Variants in NAA25 observed in about 807,000 individuals in gnomAD.
NAA25 encodes N-alpha-acetyltransferase 25, NatB auxiliary subunit, also known as N-terminal acetyltransferase B complex subunit NAA25.
In NAA25, 30 loss-of-function variants were observed where a neutral mutation model predicts 132.5. That is an observed-to-expected ratio of 0.23 (90% CI 0.17 to 0.31). The LOEUF is 0.31. NAA25 is among the 10% of genes least tolerant of loss of function. The pLI, the probability that NAA25 is intolerant of heterozygous loss-of-function variation, is 1.00. For missense variants in NAA25, 771 were observed against 1,150.4 expected (o/e 0.67, Z 4.77); for synonymous variants, 359 against 401.9 (o/e 0.89, Z 1.28).
intron 5 of NAA25, among the ~76,000 whole-genome samples, chr12:112,080,615 C>G (rs2078960698): frequency 2.0e-5 from 3 of 152,000 alleles, no homozygotes; most frequent in African/African-American, 7.2e-5. Context: ...ACCCTCCTGC[C>G]TCAGCCTCCA....
At chr12:112,075,518 A>T (rs2078883076) in intron 8 of NAA25, among the ~76,000 whole-genome samples, 160 bp downstream of exon 8, 1 of 152,160 alleles carries the variant, frequency 6.6e-6, no homozygotes, top group South Asian at 2.1e-4. Flanking sequence ...CTCTACTGAA[A>T]GATGAAGGCT....
At chr12:112,062,713 T>C (rs1176382206) in intron 11 of NAA25, among the ~76,000 whole-genome samples, 2 of 141,514 alleles carry the variant, frequency 1.4e-5, no homozygotes, top group South Asian at 4.4e-4. Flanking sequence ...GCAACAAGAG[T>C]GAAACTCCGT....
chr12:112,059,900 C>A (rs1473692926), intron 13 of NAA25, among the ~76,000 whole-genome samples: 1 of 151,958 alleles, frequency 6.6e-6, no homozygotes, highest in Non-Finnish European at 1.5e-5. Flanking sequence ...CTCCGCCTCC[C>A]AAGCTCAAGC....
chr12:112,108,004 C>T (rs913464778), intron 1 of NAA25, among the ~76,000 whole-genome samples: 4 of 152,136 alleles, frequency 2.6e-5, no homozygotes, highest in Non-Finnish European at 5.9e-5. Flanking sequence ...GAGAAAACCA[C>T]AGAGAAGCTG....
intron 1 of NAA25, among the ~76,000 whole-genome samples, chr12:112,105,018 A>T (rs193026974): frequency 6.7e-6 from 1 of 150,140 alleles, no homozygotes; most frequent in Non-Finnish European, 1.5e-5. Context: ...CTCCTTCTTA[A>T]AAAAATAATA....
At chr12:112,079,665 T>G (rs1356615137) in intron 5 of NAA25, among the ~76,000 whole-genome samples, 1 of 152,102 alleles carries the variant, frequency 6.6e-6, no homozygotes, top group Non-Finnish European at 1.5e-5. Context: ...TCTGACCCCA[T>G]AACATCTGTT....
At chr12:112,105,881 T>G (rs2079355580) in intron 1 of NAA25, among the ~76,000 whole-genome samples, 1 of 152,226 alleles carries the variant, frequency 6.6e-6, no homozygotes, top group Non-Finnish European at 1.5e-5. Flanking sequence ...AATAGGGCAG[T>G]CAGCCCACCA....
Position 112,108,769 on chromosome 12 carries a change from G to A in NAA25, c.5C>T (p.Ala2Val), listed in dbSNP as rs2079404151. ...AGGGTCCTGCACATGGCCCCGCGTC[G>A]CCATGATGACAAGCGCAGAACCACA... is the stretch of plus-strand genomic sequence containing the variant. M[A>V]TRGHVQDPND... is the part of the protein sequence containing the mutation. Residue 2 changes from alanine (A) to valine (V), a missense_variant, in exon 1 of 24, where the codon GCG (alanine) becomes GTG (valine). Coordinates refer to ENST00000261745, the MANE Select transcript of NAA25 (RefSeq NM_024953.4). The A allele has an allele frequency of 6.6e-7, 1 of 1,520,814 alleles. No individual in the cohort carries two copies. The highest frequency in any genetic ancestry group is 8.8e-7 in the Non-Finnish European group (1 of 1,130,698). 94.2% of individuals were successfully genotyped at this position (1,520,814 alleles called of 1,614,324 possible). A position where few individuals can be genotyped will look rare whatever the true frequency, so the allele number is the denominator to read the frequency against.
intron 23 of NAA25, among the ~76,000 whole-genome samples, chr12:112,030,094 T>C (rs1453554875): frequency 4.6e-5 from 7 of 150,868 alleles, no homozygotes; most frequent in African/African-American, 7.3e-5. Flanking sequence ...ACACCTGTAA[T>C]CCCAGCTACT....
rs980397911 is a variant in NAA25, at chr12:112,056,042, A to G, written c.1448-1474T>C. The stretch of plus-strand genomic sequence containing the variant: ...TGGCAAAACCCCAACTATACAAAAA[A>G]TACAAAAACTGGCTGGGCACAGTGG... On this transcript the variant is annotated intron_variant, in intron 13 of 23. Transcript: ENST00000261745. 8.5e-5 allele frequency among the ~76,000 whole-genome samples: 13 copies of G among 152,288 alleles called. 1 individual carries two copies. Among genetic ancestry groups the G allele is most frequent in the South Asian group, 2.1e-4 (1 of 4,824 alleles).
chr12:112,053,742 C>A, intron 14 of NAA25, 85 bp from the exon 15 acceptor site: 3 of 849,142 alleles, frequency 3.5e-6, no homozygotes, highest in African/African-American at 1.8e-5. Flanking sequence ...CTTCAAATTA[C>A]TTGGCAAAAA....
intron 1 of NAA25, among the ~76,000 whole-genome samples, chr12:112,101,018 T>C (rs2079287571): frequency 6.6e-6 from 1 of 152,156 alleles, no homozygotes; most frequent in African/African-American, 2.4e-5. Context: ...CACTCATTTC[T>C]TCATTCCAAC....
At chr12:112,081,977 G>T (rs1404756194) in intron 4 of NAA25, among the ~76,000 whole-genome samples, 1 of 152,110 alleles carries the variant, frequency 6.6e-6, no homozygotes, top group Non-Finnish European at 1.5e-5. Context: ...TGGGCCAGGC[G>T]CAATGGCTCA....
intron 4 of NAA25, among the ~76,000 whole-genome samples, chr12:112,082,858 G>A (rs2078993470): frequency 6.6e-6 from 1 of 152,036 alleles, no homozygotes; most frequent in African/African-American, 2.4e-5. Context: ...ATGGGTAAAT[G>A]TATCAACGCG....
intron 4 of NAA25, among the ~76,000 whole-genome samples, chr12:112,083,636 T>TGGG (rs1273466948): frequency 1.3e-5 from 2 of 152,128 alleles, no homozygotes; most frequent in African/African-American, 4.8e-5. Flanking sequence ...CTTCTAACAC[T>TGGG]GGGGTACGTA....
intron 7 of NAA25, among the ~76,000 whole-genome samples, chr12:112,076,611 T>C (rs2078898959): frequency 6.6e-6 from 1 of 152,152 alleles, no homozygotes; most frequent in Non-Finnish European, 1.5e-5. Flanking sequence ...CCCAACTGTT[T>C]AGCAGATTAA....
intron 2 of NAA25, among the ~76,000 whole-genome samples, chr12:112,091,979 G>A (rs1252555456): frequency 6.6e-6 from 1 of 152,198 alleles, no homozygotes; most frequent in Non-Finnish European, 1.5e-5. Flanking sequence ...AGTGGCTCAC[G>A]CCTATAATCC....
At chr12:112,058,040 G>A (rs899745237) in intron 13 of NAA25, among the ~76,000 whole-genome samples, 10 of 152,040 alleles carry the variant, frequency 6.6e-5, no homozygotes, top group Admixed American at 1.3e-4. Context: ...ACAGCTACTC[G>A]GGCAGCTGAG....
At chr12:112,088,993 T>G (rs929248850) in intron 3 of NAA25, among the ~76,000 whole-genome samples, 1 of 151,960 alleles carries the variant, frequency 6.6e-6, no homozygotes. Context: ...ATTTGTGGAG[T>G]AAATGATTTT....
Sources: allele counts gnomAD v4.1 joint callset (sites outside exome capture counted in the v4.1 genomes callset), GRCh38; gene constraint gnomAD v4.1.1; transcripts MANE v1.5; gene names NCBI Gene and HGNC (gene_info 2026-07-23, HGNC 2026-07-21).